Variants in UBE3A observed in about 807,000 individuals in gnomAD.
UBE3A encodes the protein ubiquitin protein ligase E3A.
UBE3A carries 6 observed loss-of-function variants against 83.4 expected under a neutral mutation model. The ratio of observed to expected loss-of-function variants is 0.07; its 90% CI spans 0.04 to 0.14. UBE3A has a LOEUF of 0.14. Ranked by LOEUF, UBE3A falls within the 10% of genes least tolerant of loss-of-function variation. The probability of loss-of-function intolerance (pLI) is 1.00; values close to 1 mark genes in which losing one functional copy is unlikely to be tolerated. For synonymous variants in UBE3A, 337 were observed against 355.4 expected, an observed-to-expected ratio of 0.95 and a Z score of 0.58; for missense variants, 456 against 1,036.1, an observed-to-expected ratio of 0.44 and a Z score of 7.69.
chr15:25,369,961 C>T (rs1354268677), intron 6 of UBE3A, among the ~76,000 whole-genome samples: 1 of 152,114 alleles, frequency 6.6e-6, no homozygotes, highest in African/African-American at 2.4e-5. Flanking sequence ...TCCAGAAGTT[C>T]CAAGACCCAG....
intron 4 of UBE3A, among the ~76,000 whole-genome samples, chr15:25,387,941 C>A (rs1289337114): frequency 6.6e-6 from 1 of 152,084 alleles, no homozygotes; most frequent in Non-Finnish European, 1.5e-5. Flanking sequence ...GATTAAAAAG[C>A]ATATATTAAA....
intron 6 of UBE3A, among the ~76,000 whole-genome samples, chr15:25,367,235 ATATGTAAATATTTG>A (rs2079382925): frequency 1.3e-5 from 1 of 79,952 alleles, no homozygotes; most frequent in African/African-American, 7.5e-5. Flanking sequence ...ATATTTGTAA[ATATGTAAATATTTG>A]CATATTTGTA....
chr15:25,371,107 C>T lies in UBE3A; in HGVS notation c.1067G>A (p.Arg356Gln), dbSNP rs780050034. ...YKVISNEFNSRNLVNDDDAIV... is the reference protein window; with the variant it reads ...YKVISNEFNSQNLVNDDDAIV... ...GGCATCATCATCATTCACTAGATTT[C>T]GACTGTTAAATTCATTGCTTATGAC... Residue 356 changes from arginine to glutamine, a missense_variant, in exon 6 of 13, where the codon CGA (arginine) becomes CAA (glutamine). By Grantham distance (43) the Arg-to-Gln change is conservative. Around this residue, in one of 13 missense-constraint regions of UBE3A, gnomAD observed 85 missense variants for 137.0 expected, o/e 0.62. Coordinates refer to ENST00000648336, the MANE Select transcript of UBE3A (RefSeq NM_130839.5). The surrounding 1 kb of genome is among the most constrained non-coding windows in gnomAD (Gnocchi z 5.3). The T allele has an allele frequency of 8.7e-6, 14 of 1,613,922 alleles. No individual in the cohort carries two copies. Among genetic ancestry groups the T allele is most frequent in the Non-Finnish European group, 1.1e-5 (13 of 1,180,006 alleles).
At chr15:25,435,127 A>C (rs1051637319) in intron 1 of UBE3A, among the ~76,000 whole-genome samples, 1 of 151,768 alleles carries the variant, frequency 6.6e-6, no homozygotes, top group Non-Finnish European at 1.5e-5. Flanking sequence ...TAAAAAAGTA[A>C]ATCTTTACAG....
At chr15:25,410,626 G>A (rs2089795656) in intron 2 of UBE3A, among the ~76,000 whole-genome samples, 1 of 152,138 alleles carries the variant, frequency 6.6e-6, no homozygotes, top group Admixed American at 6.5e-5. Flanking sequence ...AATACCAACG[G>A]TTAAAACATG....
intron 2 of UBE3A, among the ~76,000 whole-genome samples, chr15:25,411,221 T>C (rs937208569): frequency 2.6e-5 from 4 of 152,188 alleles, no homozygotes; most frequent in South Asian, 4.1e-4. Flanking sequence ...ACTAGGATAA[T>C]AGTACCTATT....
Position 25,433,193 on chromosome 15 carries a change from G to GTTT in UBE3A, c.-165+5293_-165+5295dup, listed in dbSNP as rs34825571. ...TTCCCCAAAACAACGTTTCTAAAAA[G>GTTT]TTTTTTTTTTTTTCTTTGAGAGGCA... On this transcript the variant is annotated intron_variant, in intron 1 of 12. Coordinates refer to ENST00000648336, the MANE Select transcript of UBE3A (RefSeq NM_130839.5). Among the ~76,000 whole-genome samples, 92 of 140,678 alleles carry GTTT rather than the reference G, an allele frequency of 6.5e-4. 5 individuals carry two copies. Among genetic ancestry groups the GTTT allele is most frequent in the Middle Eastern group, 7.5e-3 (2 of 268 alleles). 92.3% of individuals were successfully genotyped at this position (140,678 alleles called of 152,430 possible). A position where few individuals can be genotyped will look rare whatever the true frequency, so the allele number is the denominator to read the frequency against.
chr15:25,398,894 A>G (rs1046575489), intron 4 of UBE3A, among the ~76,000 whole-genome samples: 1 of 146,742 alleles, frequency 6.8e-6, no homozygotes, highest in African/African-American at 2.5e-5. Context: ...ACGTCATGCT[A>G]TTTTCCATAA....
intron 1 of UBE3A, among the ~76,000 whole-genome samples, chr15:25,429,891 G>A (rs1396515796): frequency 1.3e-5 from 2 of 148,620 alleles, no homozygotes; most frequent in East Asian, 2.0e-4. Context: ...TGTAGTCTCT[G>A]CTACTCAGGA....
rs1387803445 is a variant in UBE3A at position 25,351,758 on chromosome 15, A to G, written c.2354+2595T>C. Among the ~76,000 whole-genome samples, 5 of 152,146 alleles carry G rather than the reference A, an allele frequency of 3.3e-5. No homozygotes were observed. The South Asian group carries it at 8.3e-4, about 25-fold the overall frequency. On this transcript the variant is annotated intron_variant, in intron 11 of 12. Coordinates refer to ENST00000648336, the MANE Select transcript of UBE3A (RefSeq NM_130839.5). The stretch of plus-strand genomic sequence containing the variant: ...GCATGTATTTTTTCAGGTGCTGAAA[A>G]AGCTCTCCCTGATTTCATTTCTTGT...
chr15:25,418,711 T>A (rs1341314543), intron 1 of UBE3A: 3 of 152,174 alleles, frequency 2.0e-5, no homozygotes, highest in Non-Finnish European at 4.4e-5. Flanking sequence ...TGTGGTCAAC[T>A]GTATTTTCCA....
intron 4 of UBE3A, among the ~76,000 whole-genome samples, chr15:25,381,811 GACACA>G (rs1424521301): frequency 6.6e-6 from 1 of 152,168 alleles, no homozygotes; most frequent in East Asian, 1.9e-4. Context: ...AGACATCTGT[GACACA>G]ACTATATTCA....
intron 11 of UBE3A, among the ~76,000 whole-genome samples, chr15:25,344,070 A>G (rs978817117): frequency 3.3e-5 from 5 of 152,218 alleles, no homozygotes; most frequent in Non-Finnish European, 7.3e-5. Context: ...AAAATTACAC[A>G]TGCATCTACC....
intron 4 of UBE3A, among the ~76,000 whole-genome samples, chr15:25,388,268 C>T (rs930899736): frequency 1.3e-5 from 2 of 152,172 alleles, no homozygotes; most frequent in South Asian, 2.1e-4. Flanking sequence ...AAGAAGTATA[C>T]ACCAGCACAA....
At chr15:25,381,148 T>C (rs2082105022) in intron 4 of UBE3A, among the ~76,000 whole-genome samples, 1 of 152,224 alleles carries the variant, frequency 6.6e-6, no homozygotes, top group Non-Finnish European at 1.5e-5. Context: ...ATGTAAGTAT[T>C]AATGGCAGAA....
chr15:25,425,299 G>A (rs1239476371), intron 1 of UBE3A, among the ~76,000 whole-genome samples: 1 of 152,082 alleles, frequency 6.6e-6, no homozygotes, highest in Non-Finnish European at 1.5e-5. Context: ...GTTTCCAGAG[G>A]CCAGGAAAGA....
At position 25,337,045 on chromosome 15, in the gene UBE3A, T is replaced by G. The variant is rs2073996838; in HGVS notation, c.*2092A>C. The G allele has an allele frequency of 6.6e-6, 1 of 152,266 alleles. No individual in the cohort carries two copies. Among genetic ancestry groups the G allele is most frequent in the South Asian group, 2.1e-4 (1 of 4,820 alleles). 9.4% of individuals were successfully genotyped at this position (152,266 alleles called of 1,614,324 possible). A position where few individuals can be genotyped will look rare whatever the true frequency, so the allele number is the denominator to read the frequency against. On this transcript the variant is annotated 3_prime_UTR_variant, in exon 13 of 13. Coordinates refer to ENST00000648336, the MANE Select transcript of UBE3A (RefSeq NM_130839.5). ...TAAGCAAGCTAGAGCAGCTATTCTG[T>G]GCAACCGACGATTTTTTTTCTCTAA...
At position 25,371,051 on chromosome 15, in the gene UBE3A, C is replaced by T. The variant is rs1463037889; in HGVS notation, c.1123G>A (p.Val375Ile). The change falls in exon 6 of 13, where the codon GTT becomes ATT. Residue 375 changes from valine to isoleucine, a missense_variant. Transcript: ENST00000648336. The surrounding 1 kb of genome is among the most constrained non-coding windows in gnomAD (Gnocchi z 5.3). ...CCTCCCACTACATTTGCATAGTAAA[C>T]CATTTTCAAGCACTTCGAAGCAGCA... ...IVAASKCLKM[V>I]YYANVVGGEV... 1.2e-6 allele frequency: 2 copies of T among 1,613,852 alleles called. No individual in the cohort carries two copies. The highest frequency in any genetic ancestry group is 1.3e-5 in the African/African-American group (1 of 74,914).
intron 1 of UBE3A, among the ~76,000 whole-genome samples, chr15:25,433,579 AGAAG>A (rs1242161612): frequency 1.3e-5 from 2 of 152,196 alleles, no homozygotes; most frequent in Non-Finnish European, 2.9e-5. Flanking sequence ...ATTTGACAAA[AGAAG>A]GAACGAAGGC....
Sources: allele counts gnomAD v4.1 joint callset (sites outside exome capture counted in the v4.1 genomes callset), GRCh38; gene constraint gnomAD v4.1.1; regional missense constraint gnomAD v4.1.1; non-coding constraint Gnocchi (gnomAD v3.1); transcripts MANE v1.5; gene names NCBI Gene and HGNC (gene_info 2026-07-23, HGNC 2026-07-21).